Variants in DCSTAMP observed in about 807,000 individuals in gnomAD.
The protein encoded by DCSTAMP is dendrocyte expressed seven transmembrane protein.
Under a neutral mutation model 33.8 loss-of-function variants are expected in DCSTAMP, and 25 were observed. That is an observed-to-expected ratio of 0.74 (90% CI 0.54 to 1.03). The LOEUF (loss-of-function observed/expected upper bound fraction) is 1.03, where lower values mean the gene tolerates loss of function less well. Among genes scored for constraint, DCSTAMP ranks in the 50% least tolerant of loss-of-function variants. The pLI, the probability that DCSTAMP is intolerant of heterozygous loss-of-function variation, is 0.00. For synonymous variants in DCSTAMP, 245 were observed against 216.7 expected (o/e 1.13, Z -1.15); for missense variants, 531 against 556.8 (o/e 0.95, Z 0.47).
At chr8:104,348,006 G>A (rs549300509) in intron 1 of DCSTAMP, among the ~76,000 whole-genome samples, 1 of 152,080 alleles carries the variant, frequency 6.6e-6, no homozygotes, top group Non-Finnish European at 1.5e-5. Context: ...GCTTTGAGAT[G>A]GTGGAAAAAG....
intron 3 of DCSTAMP, 104 bp from the exon 4 acceptor site, chr8:104,356,020 T>C (rs1007229559): frequency 2.0e-6 from 2 of 1,000,780 alleles, no homozygotes; most frequent in African/African-American, 1.6e-5. Flanking sequence ...AGTCTTTTGC[T>C]GTTTTTCCCA....
chr8:104,347,728 T>C (rs1156379403), intron 1 of DCSTAMP, among the ~76,000 whole-genome samples: 1 of 152,178 alleles, frequency 6.6e-6, no homozygotes, highest in Non-Finnish European at 1.5e-5. Context: ...GTCAGGTGCC[T>C]TTTGTCATCC....
chr8:104,349,528 A>C lies in DCSTAMP; in HGVS notation c.976A>C (p.Lys326Gln). The C allele has an allele frequency of 6.2e-7, 1 of 1,614,050 alleles. No homozygotes were observed. The highest frequency in any genetic ancestry group is 8.5e-7 in the Non-Finnish European group (1 of 1,180,012). The change falls in exon 2 of 4, where the codon AAG becomes CAG. Residue 326 changes from lysine (K) to glutamine (Q), a missense_variant. Lys to Gln is a moderately conservative substitution (Grantham distance 53). Transcript: ENST00000297581. ...GTATCGGCTCATTTTCTCAGTGAGC[A>C]AGCAGTTTCAAAGCTTGCCAGGGTT... ...LLYRLIFSVSKQFQSLPGFEV... is the reference protein window; with the variant it reads ...LLYRLIFSVSQQFQSLPGFEV...
intron 1 of DCSTAMP, among the ~76,000 whole-genome samples, chr8:104,341,954 A>G (rs1221990341): frequency 6.6e-6 from 1 of 152,220 alleles, no homozygotes; most frequent in Non-Finnish European, 1.5e-5. Flanking sequence ...ATGTTGAGTC[A>G]GGAATAGACA....
intron 2 of DCSTAMP, among the ~76,000 whole-genome samples, chr8:104,353,548 G>T (rs1174877179): frequency 6.6e-6 from 1 of 152,206 alleles, no homozygotes; most frequent in African/African-American, 2.4e-5. Context: ...CTTTGCTCTG[G>T]GGACTGAAAT....
chr8:104,347,008 A>G (rs1189160836), intron 1 of DCSTAMP, among the ~76,000 whole-genome samples: 1 of 152,250 alleles, frequency 6.6e-6, no homozygotes, highest in East Asian at 1.9e-4. Context: ...AAACTGATCA[A>G]TGTCCGCATT....
upstream of DCSTAMP, chr8:104,339,800 A>G (rs1010577655): frequency 6.6e-6 from 1 of 152,210 alleles, no homozygotes; most frequent in Non-Finnish European, 1.5e-5. Flanking sequence ...CCTGCTATAT[A>G]TCAAGACCTA....
intron 1 of DCSTAMP, among the ~76,000 whole-genome samples, chr8:104,345,431 T>C (rs1468672232): frequency 6.6e-6 from 1 of 152,182 alleles, no homozygotes; most frequent in Admixed American, 6.5e-5. Flanking sequence ...TAAGAGAAGA[T>C]ACCTTCAGTC....
chr8:104,351,589 C>T (rs183853822), intron 2 of DCSTAMP, among the ~76,000 whole-genome samples: 27 of 152,232 alleles, frequency 1.8e-4, no homozygotes, highest in African/African-American at 5.8e-4. Context: ...TATATTTATA[C>T]CTAGTCTTAA....
rs376853711 is a variant in DCSTAMP at position 104,349,124 on chromosome 8, G to A, written c.572G>A (p.Gly191Glu). Reference sequence around the variant, plus strand: ...GAGGCACAGCTAAATGACAGCAAAGGGGAAGTCCTGAGCGTCTTGTACCAG... The same window carrying A: ...GAGGCACAGCTAAATGACAGCAAAGAGGAAGTCCTGAGCGTCTTGTACCAG... The part of the protein sequence containing the change: ...VLEAQLNDSK[G>E]EVLSVLYQMA... Residue 191 changes from glycine to glutamate, a missense_variant, in exon 2 of 4, where the codon GGG becomes GAG. By Grantham distance (98) the Gly-to-Glu change is moderately conservative (BLOSUM62 -2). Transcript: ENST00000297581. 5.6e-6 allele frequency: 9 copies of A among 1,614,032 alleles called. No individual in the cohort carries two copies. Among genetic ancestry groups the A allele is most frequent in the Non-Finnish European group, 7.6e-6 (9 of 1,180,044 alleles).
intron 3 of DCSTAMP, 127 bp downstream of exon 3, chr8:104,355,312 A>G: frequency 1.1e-6 from 1 of 917,464 alleles, no homozygotes; most frequent in South Asian, 1.8e-5. Flanking sequence ...AGCAGTAGAT[A>G]GGACATTGAG....
chr8:104,353,046 T>C (rs967772026), intron 2 of DCSTAMP, among the ~76,000 whole-genome samples: 2 of 152,222 alleles, frequency 1.3e-5, no homozygotes, highest in Admixed American at 6.5e-5. Context: ...ATTTTAATTA[T>C]GTGTTTTGAA....
chr8:104,346,786 ATT>A (rs1810326502), intron 1 of DCSTAMP, among the ~76,000 whole-genome samples: 1 of 152,206 alleles, frequency 6.6e-6, no homozygotes, highest in African/African-American at 2.4e-5. Flanking sequence ...TATTTCCCCC[ATT>A]TTATTTCTGC....
intron 1 of DCSTAMP, among the ~76,000 whole-genome samples, chr8:104,340,070 T>C (rs892232934): frequency 2.0e-5 from 3 of 152,200 alleles, no homozygotes; most frequent in East Asian, 1.9e-4. Context: ...TATCTTCTTA[T>C]GGGTGTAGCC....
At chr8:104,340,879 A>C (rs1437089621) in intron 1 of DCSTAMP, among the ~76,000 whole-genome samples, 1 of 152,208 alleles carries the variant, frequency 6.6e-6, no homozygotes, top group African/African-American at 2.4e-5. Context: ...GGGCTGGTTG[A>C]GGAGTACAGA....
chr8:104,340,743 TCTCCGTTTGGCGCTCTTTTCCTGTTCTG>T (rs2099382656), intron 1 of DCSTAMP, among the ~76,000 whole-genome samples: 1 of 152,134 alleles, frequency 6.6e-6, no homozygotes, highest in Non-Finnish European at 1.5e-5. Context: ...GGACCACAGG[TCTCCGTTTGGCGCTCTTTTCCTGTTCTG>T]CTCTGTCCTT....
At chr8:104,343,907 C>A (rs1036851551) in intron 1 of DCSTAMP, among the ~76,000 whole-genome samples, 1 of 152,240 alleles carries the variant, frequency 6.6e-6, no homozygotes, top group African/African-American at 2.4e-5. Flanking sequence ...TGTGAGAAAT[C>A]AATTTCTGCT....
At position 104,356,207 on chromosome 8, in the gene DCSTAMP, G is replaced by A. The variant is rs748231261; in HGVS notation, c.*9G>A. On this transcript the variant is annotated 3_prime_UTR_variant, in exon 4 of 4. Transcript: ENST00000297581. ...GTGCAGACAAGTCATGAGAGACCCC[G>A]ACTACTCCTCAGCCACATCGCACCA... 8 of 1,609,144 alleles carry A rather than the reference G, an allele frequency of 5.0e-6. No homozygotes were observed. Among genetic ancestry groups the A allele is most frequent in the Middle Eastern group, 1.6e-4 (1 of 6,076 alleles).
intron 1 of DCSTAMP, among the ~76,000 whole-genome samples, chr8:104,341,959 T>C (rs1170592624): frequency 6.6e-6 from 1 of 152,054 alleles, no homozygotes; most frequent in African/African-American, 2.4e-5. Flanking sequence ...GAGTCAGGAA[T>C]AGACATTATT....
Sources: gnomAD v4.1 joint callset for allele counts (sites outside exome capture counted in the v4.1 genomes callset) on GRCh38, gnomAD v4.1.1 for gene constraint, MANE v1.5 for transcripts, NCBI Gene and HGNC (gene_info 2026-07-23, HGNC 2026-07-21) for gene names.